The following CDH12 variants were observed in gnomAD, a reference collection of about 807,000 sequenced individuals.
CDH12 encodes cadherin-12.
Under a neutral mutation model 74.1 loss-of-function variants are expected in CDH12, and 41 were observed. The observed-to-expected ratio is 0.55, with a 90% confidence interval of 0.43 to 0.72. The LOEUF is 0.72. Among genes scored for constraint, CDH12 ranks in the 30% least tolerant of loss-of-function variants. The probability of loss-of-function intolerance (pLI) is 0.00; values close to 1 mark genes in which losing one functional copy is unlikely to be tolerated. For synonymous variants in CDH12, 399 were observed against 355.0 expected (o/e 1.12, Z -1.39); for missense variants, 945 against 977.2 (o/e 0.97, Z 0.44).
chr5:22,163,627 G>T (rs1388660810), intron 4 of CDH12, among the ~76,000 whole-genome samples: 1 of 152,092 alleles, frequency 6.6e-6, no homozygotes, highest in Non-Finnish European at 1.5e-5. Context: ...CACCATCTTT[G>T]TTAGAATTAT....
intron 1 of CDH12, among the ~76,000 whole-genome samples, chr5:22,551,382 G>T (rs1738563755): frequency 1.3e-5 from 2 of 152,108 alleles, no homozygotes; most frequent in South Asian, 4.1e-4. Flanking sequence ...TTCTGTTATT[G>T]CAACTCAAAC....
intron 4 of CDH12, among the ~76,000 whole-genome samples, chr5:22,149,404 C>T (rs1283594450): frequency 1.3e-5 from 2 of 152,256 alleles, no homozygotes; most frequent in South Asian, 2.1e-4. Flanking sequence ...TGGTCTTTAC[C>T]GTAATGCTTC....
rs150689545 is a variant in CDH12, at chr5:22,681,471, G to A, written c.-523+171587C>T. On this transcript the variant is annotated intron_variant, in intron 1 of 14. Coordinates refer to ENST00000382254, the MANE Select transcript of CDH12 (RefSeq NM_004061.5). ...GGTAATTAGTGGAGATCATTGCATT[G>A]CATGCTGGGTGGAATAAGGGCTGCA... 2.9e-4 allele frequency among the ~76,000 whole-genome samples: 44 copies of A among 152,076 alleles called. No individual in the cohort carries two copies. In the East Asian group the frequency reaches 4.8e-3, roughly 17 times the overall value.
At chr5:22,370,524 C>T (rs184818417) in intron 3 of CDH12, among the ~76,000 whole-genome samples, 195 of 152,204 alleles carry the variant, frequency 1.3e-3, no homozygotes, top group African/African-American at 3.5e-3. Flanking sequence ...CTTTTAGAAA[C>T]GTATTTTATA....
chr5:22,079,905 A>AG (rs549302109), intron 4 of CDH12, among the ~76,000 whole-genome samples: 124 of 152,094 alleles, frequency 8.2e-4, no homozygotes, highest in Non-Finnish European at 1.6e-3. Context: ...AATGGAAAAA[A>AG]AAAAAGCAAA....
chr5:22,439,753 C>G (rs77468186), intron 2 of CDH12, among the ~76,000 whole-genome samples: 1 of 152,064 alleles, frequency 6.6e-6, no homozygotes, highest in East Asian at 1.9e-4. Flanking sequence ...TAAAAATCCC[C>G]CATGAAAAGG....
intron 14 of CDH12, among the ~76,000 whole-genome samples, chr5:21,753,096 G>A (rs953457992): frequency 7.9e-5 from 12 of 152,126 alleles, no homozygotes; most frequent in South Asian, 4.1e-4. Flanking sequence ...AAATGACGAC[G>A]TCAGTGCTCA....
At chr5:21,944,843 G>A (rs1200505349) in intron 6 of CDH12, among the ~76,000 whole-genome samples, 3 of 151,900 alleles carry the variant, frequency 2.0e-5, no homozygotes, top group Non-Finnish European at 4.4e-5. Context: ...GTGGGTGGAG[G>A]GAGAAGACAA....
intron 1 of CDH12, among the ~76,000 whole-genome samples, chr5:22,694,098 C>T (rs1742226308): frequency 6.6e-6 from 1 of 151,910 alleles, no homozygotes; most frequent in South Asian, 2.1e-4. Context: ...GCTACCATAC[C>T]CAGCTAATTT....
rs1163831684 is a variant in CDH12 at position 22,516,140 on chromosome 5, A to C, written c.-522-10776T>G. Among the ~76,000 whole-genome samples, 3 of 152,316 alleles carry C rather than the reference A, an allele frequency of 2.0e-5. No homozygotes were observed. The East Asian group carries it at 5.8e-4, about 29-fold the overall frequency. On this transcript the variant is annotated intron_variant, in intron 1 of 14. Coordinates refer to ENST00000382254, the MANE Select transcript of CDH12 (RefSeq NM_004061.5). ...GGACATAATGAGATACTATGAACAT[A>C]AACTAAGATGGCAAGATAAAATGTC...
At position 22,093,064 on chromosome 5, in the gene CDH12, A is replaced by G. The variant is rs1039509828; in HGVS notation, c.-186-14202T>C. ...TGATAGGGGCTATTATCCAGAGGAC[A>G]GGGGGTTCAGAGAGGTGGTTTACAC... On this transcript the variant is annotated intron_variant, in intron 4 of 14. Coordinates refer to ENST00000382254, the MANE Select transcript of CDH12 (RefSeq NM_004061.5). 3.3e-5 allele frequency among the ~76,000 whole-genome samples: 5 copies of G among 152,050 alleles called. No homozygotes were observed. The South Asian group carries it at 1.0e-3, about 32-fold the overall frequency.
intron 1 of CDH12, among the ~76,000 whole-genome samples, chr5:22,767,596 G>C (rs10461807): frequency 1.3e-5 from 2 of 151,420 alleles, no homozygotes; most frequent in African/African-American, 4.9e-5. Context: ...CAGGGCTTAT[G>C]GTAGCTTTGG....
At chr5:22,695,060 A>C (rs1448488242) in intron 1 of CDH12, among the ~76,000 whole-genome samples, 2 of 151,312 alleles carry the variant, frequency 1.3e-5, no homozygotes, top group Non-Finnish European at 2.9e-5. Flanking sequence ...TCGTTGTTCA[A>C]CTCCCACTTA....
intron 10 of CDH12, among the ~76,000 whole-genome samples, chr5:21,797,500 A>G (rs1746853143): frequency 6.6e-6 from 1 of 152,084 alleles, no homozygotes; most frequent in Middle Eastern, 3.2e-3. Context: ...TGGAACAAAG[A>G]CAGGTTTCAT....
intron 1 of CDH12, among the ~76,000 whole-genome samples, chr5:22,745,859 C>G (rs1375485241): frequency 6.6e-6 from 1 of 152,034 alleles, no homozygotes; most frequent in East Asian, 1.9e-4. Context: ...CAGCAAACCA[C>G]CATGACACAT....
chr5:22,732,465 TATATATAC>T (rs1385709974), intron 1 of CDH12, among the ~76,000 whole-genome samples: 1,247 of 96,420 alleles, frequency 0.013, 17 homozygotes, highest in African/African-American at 0.044. Context: ...TGTATATATA[TATATATAC>T]ACACACACAC....
At chr5:22,213,702 G>A (rs1227790455) in intron 3 of CDH12, 1 of 151,974 alleles carries the variant, frequency 6.6e-6, no homozygotes, top group Non-Finnish European at 1.5e-5. Flanking sequence ...GTTAATTTTT[G>A]ACAGCTCTCA....
intron 8 of CDH12, among the ~76,000 whole-genome samples, chr5:21,830,823 G>A (rs908116957): frequency 2.0e-5 from 3 of 151,954 alleles, no homozygotes; most frequent in South Asian, 2.1e-4. Flanking sequence ...GGATCACAAG[G>A]TCAGGAGTTC....
At chr5:22,664,489 C>A (rs558114697) in intron 1 of CDH12, among the ~76,000 whole-genome samples, 114 of 152,232 alleles carry the variant, frequency 7.5e-4, no homozygotes, top group African/African-American at 2.7e-3. Context: ...GGGAAAACTG[C>A]CCCTGTGATT....
Sources: allele counts gnomAD v4.1 joint callset (sites outside exome capture counted in the v4.1 genomes callset), GRCh38; gene constraint gnomAD v4.1.1; transcripts MANE v1.5; gene names NCBI Gene and HGNC (gene_info 2026-07-23, HGNC 2026-07-21).